Variants in SGPP2 observed in about 807,000 individuals in gnomAD.
SGPP2 encodes the protein sphingosine 1-phosphate phosphohydrolase 2.
In SGPP2, 30 loss-of-function variants were observed where a neutral mutation model predicts 33.9. The ratio of observed to expected loss-of-function variants is 0.89; its 90% CI spans 0.66 to 1.20. SGPP2 has a LOEUF of 1.20. SGPP2 is among the 50% of genes most tolerant of loss of function. The probability of loss-of-function intolerance (pLI) is 0.00; values close to 1 mark genes in which losing one functional copy is unlikely to be tolerated. For missense variants in SGPP2, 458 were observed against 532.1 expected, an observed-to-expected ratio of 0.86 and a Z score of 1.37; for synonymous variants, 233 against 225.0, an observed-to-expected ratio of 1.04 and a Z score of -0.32.
At position 222,550,116 on chromosome 2, in the gene SGPP2, G is replaced by A. The variant is rs539018279; in HGVS notation, c.649-8231G>A. On this transcript the variant is annotated intron_variant, in intron 4 of 4. Coordinates refer to ENST00000321276, the MANE Select transcript of SGPP2 (RefSeq NM_152386.4). The surrounding 1 kb of genome is among the most constrained non-coding windows in gnomAD (Gnocchi z 4.5). ...ACTGGTCCTGAACTCGTGACCTCGT[G>A]ATCCACCCGCCTCGGCCTCCCAAAG... Among the ~76,000 whole-genome samples, 1 of 152,160 alleles carries A rather than the reference G, an allele frequency of 6.6e-6. No individual in the cohort carries two copies. Among genetic ancestry groups the A allele is most frequent in the Non-Finnish European group, 1.5e-5 (1 of 67,992 alleles).
chr2:222,557,891 T>C (rs1689442466), intron 4 of SGPP2, among the ~76,000 whole-genome samples: 1 of 152,196 alleles, frequency 6.6e-6, no homozygotes, highest in African/African-American at 2.4e-5. Flanking sequence ...TACATAACAC[T>C]GATGTGCTTG....
chr2:222,430,365 C>T (rs1382877624), intron 1 of SGPP2, among the ~76,000 whole-genome samples: 3 of 152,026 alleles, frequency 2.0e-5, no homozygotes, highest in South Asian at 2.1e-4. Context: ...AAAGGGTGAT[C>T]GAAACCTTAA....
chr2:222,495,474 C>T (rs12619823), intron 2 of SGPP2, among the ~76,000 whole-genome samples: 103,637 of 152,088 alleles, frequency 0.68, 35,965 homozygotes, highest in East Asian at 0.99. Flanking sequence ...TTCAAATTTT[C>T]TCCTGCAAAT....
intron 4 of SGPP2, among the ~76,000 whole-genome samples, chr2:222,533,263 T>C (rs1698865248): frequency 6.6e-6 from 1 of 152,136 alleles, no homozygotes; most frequent in Non-Finnish European, 1.5e-5. Context: ...TGTCATCACC[T>C]TCCCTTTGGA....
chr2:222,540,363 AG>A (rs1431738912), intron 4 of SGPP2, among the ~76,000 whole-genome samples: 14 of 152,324 alleles, frequency 9.2e-5, no homozygotes, highest in African/African-American at 3.4e-4. Flanking sequence ...GTATTCAAAA[AG>A]TGTTGGATTT....
intron 1 of SGPP2, among the ~76,000 whole-genome samples, chr2:222,440,347 TTTTTG>T (rs1033290447): frequency 1.2e-4 from 7 of 60,062 alleles, no homozygotes; most frequent in East Asian, 4.0e-4. Flanking sequence ...TTTGTTTTTG[TTTTTG>T]TTTTTTTTTG....
chr2:222,441,597 G>C (rs550337112), intron 1 of SGPP2, among the ~76,000 whole-genome samples: 2 of 151,942 alleles, frequency 1.3e-5, no homozygotes, highest in East Asian at 3.9e-4. Flanking sequence ...ATGTTTCCAG[G>C]GATTGTTCTT....
chr2:222,494,629 T>G (rs1025880344), intron 2 of SGPP2, among the ~76,000 whole-genome samples: 3 of 152,166 alleles, frequency 2.0e-5, no homozygotes, highest in African/African-American at 7.2e-5. Context: ...AGTCACCAAG[T>G]GGTCCACAGT....
Position 222,460,052 on chromosome 2 carries a change from AGC to A in SGPP2, c.220-14510_220-14509del, listed in dbSNP as rs1397197428. Among the ~76,000 whole-genome samples the A allele has an allele frequency of 2.0e-5, 3 of 152,202 alleles. No individual in the cohort carries two copies. The highest frequency in any genetic ancestry group is 4.4e-5 in the Non-Finnish European group (3 of 68,032). ...CCCTGTTTTCAGAGCAGGAATCTGA[AGC>A]GCGCGGCCCTCGGTGACGGGGCTCA... is the stretch of plus-strand genomic sequence containing the variant. On this transcript the variant is annotated intron_variant, in intron 1 of 4. Transcript: ENST00000321276. This position sits in a 1 kb window ranked among gnomAD's most constrained non-coding sequence, Gnocchi z 4.3.
chr2:222,433,841 C>G lies in SGPP2; in HGVS notation c.219+9020C>G, dbSNP rs192675448. The stretch of plus-strand genomic sequence containing the variant: ...AAAAAGTTAGTTGATGGTGAAACAT[C>G]TGACAAGTTTAAAAATGTATTTCAA... On this transcript the variant is annotated intron_variant, in intron 1 of 4. Transcript: ENST00000321276. Among the ~76,000 whole-genome samples, 478 of 152,296 alleles carry G rather than the reference C, an allele frequency of 3.1e-3. 2 individuals are homozygous for G. The highest frequency in any genetic ancestry group is 0.011 in the African/African-American group (461 of 41,554).
chr2:222,452,774 G>A (rs1344882895), intron 1 of SGPP2: 2 of 1,500,460 alleles, frequency 1.3e-6, no homozygotes, highest in Non-Finnish European at 1.9e-6. Context: ...GGTAAGAAGA[G>A]TAGAGGCTGG....
chr2:222,488,034 A>T (rs1434987031), intron 2 of SGPP2, among the ~76,000 whole-genome samples: 1 of 152,212 alleles, frequency 6.6e-6, no homozygotes, highest in Admixed American at 6.5e-5. Context: ...ACACACATTC[A>T]GGTGCATCAG....
At chr2:222,450,541 C>T (rs1050083431) in intron 1 of SGPP2, among the ~76,000 whole-genome samples, 4 of 152,176 alleles carry the variant, frequency 2.6e-5, no homozygotes, top group East Asian at 3.9e-4. Context: ...TGGACAGACT[C>T]CACCTCCAAA....
intron 1 of SGPP2, among the ~76,000 whole-genome samples, chr2:222,440,434 C>T (rs759043784): frequency 2.6e-5 from 4 of 151,920 alleles, no homozygotes; most frequent in South Asian, 2.1e-4. Flanking sequence ...CCTCTGCCTC[C>T]GGGGTTCAAG....
intron 2 of SGPP2, among the ~76,000 whole-genome samples, chr2:222,509,881 C>G (rs1466473698): frequency 6.6e-6 from 1 of 152,132 alleles, no homozygotes; most frequent in Non-Finnish European, 1.5e-5. Context: ...GAAAAGGAAC[C>G]CCAATATCCA....
In SGPP2 at chr2:222,558,387, T is replaced by C; in HGVS notation, c.689T>C (p.Val230Ala). 6.2e-7 allele frequency: 1 copy of C among 1,614,172 alleles called. No homozygotes were observed. The highest frequency in any genetic ancestry group is 8.5e-7 in the Non-Finnish European group (1 of 1,180,028). ...GTCCTGATCACCGCACTCCTCATCG[T>C]CCTCACCTACCCTGCCTGGACCTTC... Reference protein sequence around the residue: ...GGVLITALLIVLTYPAWTFID... With the variant: ...GGVLITALLIALTYPAWTFID... The change falls in exon 5 of 5, where the codon GTC (valine) becomes GCC (alanine). Residue 230 changes from valine to alanine, a missense_variant. Physicochemically the swap from Val to Ala is moderately conservative, Grantham distance 64. Coordinates refer to ENST00000321276, the MANE Select transcript of SGPP2 (RefSeq NM_152386.4).
chr2:222,445,950 A>G (rs1697392365), intron 1 of SGPP2, among the ~76,000 whole-genome samples: 1 of 152,350 alleles, frequency 6.6e-6, no homozygotes, highest in African/African-American at 2.4e-5. Flanking sequence ...TGGAGAGAAC[A>G]TTCCAGAAGG....
At chr2:222,498,882 T>C (rs1698323749) in intron 2 of SGPP2, among the ~76,000 whole-genome samples, 1 of 152,174 alleles carries the variant, frequency 6.6e-6, no homozygotes. Context: ...TTAAATTGTT[T>C]ATGGTGAGTT....
At chr2:222,452,363 C>T (rs1697504492) in intron 1 of SGPP2, 1 of 715,594 alleles carries the variant, frequency 1.4e-6, no homozygotes, top group African/African-American at 1.7e-5. Flanking sequence ...CAGCCAGTGC[C>T]CAGAGTCAAA....
Sources: gnomAD v4.1 joint callset for allele counts (sites outside exome capture counted in the v4.1 genomes callset) on GRCh38, gnomAD v4.1.1 for gene constraint, Gnocchi (gnomAD v3.1) non-coding constraint, MANE v1.5 for transcripts, NCBI Gene and HGNC (gene_info 2026-07-23, HGNC 2026-07-21) for gene names.